Variants in PLCE1 observed in about 807,000 individuals in gnomAD.
PLCE1 encodes phospholipase C epsilon 1.
Under a neutral mutation model 242.8 loss-of-function variants are expected in PLCE1, and 119 were observed. That is an observed-to-expected ratio of 0.49 (90% CI 0.42 to 0.57). PLCE1 has a LOEUF of 0.57. Ranked by LOEUF, PLCE1 falls within the 20% of genes least tolerant of loss-of-function variation. PLCE1 has a pLI of 0.00. For synonymous variants in PLCE1, 945 were observed against 1,017.4 expected (o/e 0.93, Z 1.35); for missense variants, 2,441 against 2,788.8 (o/e 0.88, Z 2.81).
chr10:94,180,836 C>G (rs1009585159), intron 4 of PLCE1, among the ~76,000 whole-genome samples: 1 of 152,228 alleles, frequency 6.6e-6, no homozygotes, highest in Non-Finnish European at 1.5e-5. Flanking sequence ...TGTGAGGACA[C>G]AGTGTCCCCT....
chr10:94,050,778 G>A (rs566573963), intron 2 of PLCE1, among the ~76,000 whole-genome samples: 2 of 152,278 alleles, frequency 1.3e-5, no homozygotes, highest in Admixed American at 6.5e-5. Flanking sequence ...TGTAAACACT[G>A]AGTTTACTTG....
chr10:94,022,414 T>G (rs1446497899), intron 1 of PLCE1, among the ~76,000 whole-genome samples: 1 of 151,994 alleles, frequency 6.6e-6, no homozygotes, highest in African/African-American at 2.4e-5. Flanking sequence ...TATGTATGTG[T>G]GTGTGTATTC....
intron 3 of PLCE1, among the ~76,000 whole-genome samples, chr10:94,166,086 C>T (rs1483972776): frequency 5.3e-5 from 8 of 152,136 alleles, no homozygotes; most frequent in Non-Finnish European, 1.2e-4. Context: ...AAGTTATACA[C>T]TATTATTTGT....
chr10:94,068,598 A>G (rs1374822815), intron 2 of PLCE1, among the ~76,000 whole-genome samples: 5 of 152,206 alleles, frequency 3.3e-5, no homozygotes, highest in Non-Finnish European at 7.3e-5. Context: ...CCAATGTCCC[A>G]TGGATACCGA....
chr10:94,216,723 A>G (rs914544410), intron 4 of PLCE1, among the ~76,000 whole-genome samples: 1 of 152,074 alleles, frequency 6.6e-6, no homozygotes, highest in Non-Finnish European at 1.5e-5. Flanking sequence ...TTTTAGATAC[A>G]TGACAGAATA....
At position 94,204,560 on chromosome 10, in the gene PLCE1, C is replaced by T. The variant is rs551966556; in HGVS notation, c.1810-22746C>T. Among the ~76,000 whole-genome samples, 4 of 152,046 alleles carry T rather than the reference C, an allele frequency of 2.6e-5. No individual in the cohort carries two copies. The East Asian group carries it at 5.8e-4, about 22-fold the overall frequency. On this transcript the variant is annotated intron_variant, in intron 4 of 32. Coordinates refer to ENST00000371380, the MANE Select transcript of PLCE1 (RefSeq NM_016341.4). ...GCAGGCGCCTGTAATCCCAGCTACT[C>T]GGGAAACTGAGGCAGAGAATTGCTT...
At chr10:94,084,488 C>A (rs998391469) in intron 2 of PLCE1, among the ~76,000 whole-genome samples, 1 of 152,184 alleles carries the variant, frequency 6.6e-6, no homozygotes, top group African/African-American at 2.4e-5. Context: ...GGGCGCTGGA[C>A]TAAGAGGCCC....
At chr10:94,297,750 G>T (rs1589498870) in intron 23 of PLCE1, among the ~76,000 whole-genome samples, 1 of 151,730 alleles carries the variant, frequency 6.6e-6, no homozygotes. Flanking sequence ...TGTACATATA[G>T]CTTCCTTATT....
intron 2 of PLCE1, among the ~76,000 whole-genome samples, chr10:94,113,227 A>G (rs1411506510): frequency 6.6e-6 from 1 of 152,028 alleles, no homozygotes; most frequent in Admixed American, 6.6e-5. Context: ...CTTTAAATGA[A>G]TGAATTGTAT....
At chr10:94,162,779 T>A (rs2047660308) in intron 3 of PLCE1, among the ~76,000 whole-genome samples, 1 of 152,238 alleles carries the variant, frequency 6.6e-6, no homozygotes, top group Admixed American at 6.5e-5. Flanking sequence ...TCCTGCTTTC[T>A]CTTGTGGGCA....
At chr10:94,011,426 A>C (rs187146603) in intron 1 of PLCE1, among the ~76,000 whole-genome samples, 176 of 152,260 alleles carry the variant, frequency 1.2e-3, no homozygotes, top group African/African-American at 4.2e-3. Flanking sequence ...ACATTTCAAC[A>C]TGAGATTTGT....
chr10:94,116,350 G>A (rs2046128408), intron 2 of PLCE1, among the ~76,000 whole-genome samples: 1 of 152,190 alleles, frequency 6.6e-6, no homozygotes, highest in African/African-American at 2.4e-5. Flanking sequence ...TTGGAAATGG[G>A]AAAAGGATCC....
chr10:94,150,154 C>T (rs1564734498), intron 3 of PLCE1, among the ~76,000 whole-genome samples: 1 of 152,220 alleles, frequency 6.6e-6, no homozygotes, highest in Non-Finnish European at 1.5e-5. Flanking sequence ...CATATGGAAA[C>T]ATGCGGGCCT....
chr10:94,294,098 TTC>T (rs2052728423), intron 23 of PLCE1, among the ~76,000 whole-genome samples: 3 of 151,990 alleles, frequency 2.0e-5, no homozygotes, highest in Non-Finnish European at 4.4e-5. Flanking sequence ...CAGAGCAAGA[TTC>T]TGTCTCAAAA....
At chr10:94,285,585 G>T (rs915163006) in intron 22 of PLCE1, among the ~76,000 whole-genome samples, 2 of 152,094 alleles carry the variant, frequency 1.3e-5, no homozygotes, top group Non-Finnish European at 2.9e-5. Context: ...TTCTGGTTGC[G>T]AGACGGCTAC....
chr10:93,997,989 A>G (rs980721474), intron 1 of PLCE1, among the ~76,000 whole-genome samples: 5 of 152,316 alleles, frequency 3.3e-5, no homozygotes, highest in African/African-American at 9.6e-5. Context: ...GTATAGATCA[A>G]CTGTTACAGG....
chr10:94,315,392 G>A (rs1053808915), intron 28 of PLCE1: 28 of 455,854 alleles, frequency 6.1e-5, no homozygotes, highest in African/African-American at 1.2e-4. Context: ...TACTTCTCAC[G>A]GGAAGGCAAC....
At chr10:94,276,694 C>T (rs1328218892) in intron 19 of PLCE1, among the ~76,000 whole-genome samples, 2 of 152,200 alleles carry the variant, frequency 1.3e-5, no homozygotes, top group Non-Finnish European at 2.9e-5. Flanking sequence ...AGTAGATCCA[C>T]TCTAACTCTT....
chr10:94,124,382 A>G (rs1323598191), intron 2 of PLCE1, among the ~76,000 whole-genome samples: 5 of 131,524 alleles, frequency 3.8e-5, no homozygotes, highest in African/African-American at 6.6e-5. Flanking sequence ...TGTCTCAGAG[A>G]AAAAAAAAAA....
Sources: allele counts gnomAD v4.1 joint callset (sites outside exome capture counted in the v4.1 genomes callset), GRCh38; gene constraint gnomAD v4.1.1; transcripts MANE v1.5; gene names NCBI Gene and HGNC (gene_info 2026-07-23, HGNC 2026-07-21).